The following GLIS3 variants were observed in gnomAD, a reference collection of about 807,000 sequenced individuals.
GLIS3 encodes the protein GLIS family zinc finger 3, also known as zinc finger protein GLIS3.
A neutral mutation model predicts 78.6 loss-of-function variants in GLIS3; 53 were observed. That is an observed-to-expected ratio of 0.67 (90% CI 0.54 to 0.85). The LOEUF (loss-of-function observed/expected upper bound fraction) is 0.85, where lower values mean the gene tolerates loss of function less well. Ranked by LOEUF, GLIS3 falls within the 40% of genes least tolerant of loss-of-function variation. The probability of loss-of-function intolerance (pLI) is 0.00; values close to 1 mark genes in which losing one functional copy is unlikely to be tolerated. For missense variants in GLIS3, 1,703 were observed against 1,231.1 expected (o/e 1.38, Z -5.74); for synonymous variants, 684 against 509.9 (o/e 1.34, Z -4.60).
rs550100510 is a variant in GLIS3, at chr9:4,015,359, T to C, written c.1711-78170A>G. The stretch of plus-strand genomic sequence containing the variant: ...CGCATACCAAAGTAAGACAATGTCA[T>C]GGTTCTTTCACAAAATGTTAATGAG... On this transcript the variant is annotated intron_variant, in intron 4 of 10. Coordinates refer to ENST00000381971, the MANE Select transcript of GLIS3 (RefSeq NM_001042413.2). Among the ~76,000 whole-genome samples, 22 of 152,348 alleles carry C rather than the reference T, an allele frequency of 1.4e-4. No individual in the cohort carries two copies. The South Asian group carries it at 4.1e-3, about 29-fold the overall frequency.
chr9:3,929,594 G>A (rs945600820), intron 6 of GLIS3, among the ~76,000 whole-genome samples: 2 of 152,092 alleles, frequency 1.3e-5, no homozygotes, highest in Non-Finnish European at 2.9e-5. Context: ...GTCATTTAAT[G>A]TCTAGGGGGA....
intron 7 of GLIS3, among the ~76,000 whole-genome samples, chr9:3,890,593 C>G (rs1271487221): frequency 2.0e-5 from 3 of 152,100 alleles, no homozygotes; most frequent in Non-Finnish European, 4.4e-5. Context: ...GTTCTCATAG[C>G]AGTCCTATGG....
chr9:4,230,429 G>T (rs1364315991), intron 2 of GLIS3, among the ~76,000 whole-genome samples: 1 of 152,168 alleles, frequency 6.6e-6, no homozygotes, highest in Non-Finnish European at 1.5e-5. Flanking sequence ...CTGAGGTAGG[G>T]CCTCCTCCCT....
intron 4 of GLIS3, among the ~76,000 whole-genome samples, chr9:4,091,079 G>T (rs1049095361): frequency 4.6e-5 from 7 of 152,194 alleles, no homozygotes; most frequent in African/African-American, 1.7e-4. Flanking sequence ...TTGAGGCTGG[G>T]CATGGTGGCT....
the GLIS3 span, among the ~76,000 whole-genome samples, chr9:4,473,460 C>CAAAAAAAAAAAAAAAAAAA: frequency 3.0e-5 from 4 of 131,288 alleles, no homozygotes; most frequent in Non-Finnish European, 3.3e-5. Flanking sequence ...ACAACAACAA[C>CAAAAAAAAAAAAAAAAAAA]AAAAAAAAAG....
chr9:3,910,980 G>C (rs1213041954), intron 6 of GLIS3, among the ~76,000 whole-genome samples: 1 of 152,168 alleles, frequency 6.6e-6, no homozygotes, highest in Non-Finnish European at 1.5e-5. Flanking sequence ...GAGTTAACCA[G>C]CTGTCTGACC....
At chr9:3,967,120 A>G (rs559170864) in intron 4 of GLIS3, among the ~76,000 whole-genome samples, 9 of 150,716 alleles carry the variant, frequency 6.0e-5, no homozygotes, top group African/African-American at 2.2e-4. Flanking sequence ...AAAGAAGTCC[A>G]GTAAGGATCT....
chr9:3,901,522 C>A (rs925486482), intron 6 of GLIS3, among the ~76,000 whole-genome samples: 3 of 152,134 alleles, frequency 2.0e-5, no homozygotes, highest in Admixed American at 2.0e-4. Flanking sequence ...CTGGCAATGA[C>A]GATGACCAAA....
chr9:4,118,574 C>T lies in GLIS3; in HGVS notation c.904G>A (p.Ala302Thr). Residue 302 changes from alanine (A) to threonine (T), a missense_variant, in exon 4 of 11, where the codon GCG becomes ACG. Physicochemically the swap from Ala to Thr is moderately conservative, Grantham distance 58. Coordinates refer to ENST00000381971, the MANE Select transcript of GLIS3 (RefSeq NM_001042413.2). The surrounding 1 kb of genome is among the most constrained non-coding windows in gnomAD (Gnocchi z 4.7). Reference sequence around the variant, plus strand: ...TCGGACAGCGGGGACAAGGACAGCGCTCTCTTCTTGGAGCGGGCCGAGTGG... The same window carrying T: ...TCGGACAGCGGGGACAAGGACAGCGTTCTCTTCTTGGAGCGGGCCGAGTGG... The part of the protein sequence containing the change: ...RSHSARSKKR[A>T]LSLSPLSDGI... The T allele has an allele frequency of 1.2e-6, 2 of 1,614,220 alleles. No homozygotes were observed. The highest frequency in any genetic ancestry group is 1.7e-6 in the Non-Finnish European group (2 of 1,180,032).
intron 3 of GLIS3, among the ~76,000 whole-genome samples, chr9:4,122,539 G>C (rs1158052822): frequency 6.6e-6 from 1 of 152,082 alleles, no homozygotes; most frequent in African/African-American, 2.4e-5. Flanking sequence ...GTGCCTTTTT[G>C]GATCTGGAAT....
chr9:4,290,295 T>C (rs1300617159), intron 1 of GLIS3, among the ~76,000 whole-genome samples: 1 of 152,164 alleles, frequency 6.6e-6, no homozygotes, highest in East Asian at 1.9e-4. Flanking sequence ...GAAAACCCGA[T>C]AATGAGGCAC....
chr9:4,278,424 G>A (rs1279781915), intron 2 of GLIS3, among the ~76,000 whole-genome samples: 1 of 152,102 alleles, frequency 6.6e-6, no homozygotes, highest in Admixed American at 6.5e-5. Flanking sequence ...AGTACTTAAT[G>A]GGAACATGTC....
chr9:4,294,165 T>C (rs1026839311), intron 1 of GLIS3, among the ~76,000 whole-genome samples: 4 of 152,198 alleles, frequency 2.6e-5, no homozygotes, highest in Non-Finnish European at 5.9e-5. Context: ...TCTATAAATC[T>C]GACCTGTAAA....
the GLIS3 span, among the ~76,000 whole-genome samples, chr9:4,472,199 C>T: frequency 7.6e-4 from 115 of 152,244 alleles, 1 homozygote; most frequent in East Asian, 0.016. Flanking sequence ...GACAGTGTGG[C>T]GATTCCTCAA....
At chr9:4,080,343 T>C (rs1313021085) in intron 4 of GLIS3, among the ~76,000 whole-genome samples, 1 of 152,106 alleles carries the variant, frequency 6.6e-6, no homozygotes, top group Non-Finnish European at 1.5e-5. Context: ...GTATTCCCCA[T>C]AGGTGAATCA....
chr9:4,117,337 C>T (rs1471037001), intron 4 of GLIS3, among the ~76,000 whole-genome samples: 2 of 152,138 alleles, frequency 1.3e-5, no homozygotes, highest in Non-Finnish European at 2.9e-5. Context: ...ATATCAAAAC[C>T]ACTCTTCTCT....
chr9:4,019,546 G>C (rs911731748), intron 4 of GLIS3, among the ~76,000 whole-genome samples: 3 of 152,124 alleles, frequency 2.0e-5, no homozygotes, highest in Admixed American at 6.5e-5. Context: ...CTCTCAGAGA[G>C]GGCAGTGGAG....
intron 2 of GLIS3, among the ~76,000 whole-genome samples, chr9:4,328,573 G>C (rs139220255): frequency 1.2e-4 from 19 of 152,338 alleles, no homozygotes; most frequent in African/African-American, 3.6e-4. Flanking sequence ...AGAATCCCAA[G>C]AAAGATAAAG....
chr9:4,382,011 TCA>T, the GLIS3 span, among the ~76,000 whole-genome samples: 231 of 152,306 alleles, frequency 1.5e-3, no homozygotes, highest in Admixed American at 3.5e-3. Flanking sequence ...CAGCTCCTCT[TCA>T]GTTTCATTCC....
Sources: gnomAD v4.1 joint callset for allele counts (sites outside exome capture counted in the v4.1 genomes callset) on GRCh38, gnomAD v4.1.1 for gene constraint, Gnocchi (gnomAD v3.1) non-coding constraint, MANE v1.5 for transcripts, NCBI Gene and HGNC (gene_info 2026-07-23, HGNC 2026-07-21) for gene names.